Variants in CMYA5 observed in about 807,000 individuals in gnomAD.
The protein encoded by CMYA5 is cardiomyopathy-associated protein 5.
In CMYA5, 246 loss-of-function variants were observed where a neutral mutation model predicts 318.9. The ratio of observed to expected loss-of-function variants is 0.77; its 90% CI spans 0.70 to 0.86. The LOEUF is 0.86. Ranked by LOEUF, CMYA5 falls within the 40% of genes least tolerant of loss-of-function variation. CMYA5 has a pLI of 0.00. For synonymous variants in CMYA5, 1,641 were observed against 1,729.5 expected (o/e 0.95, Z 1.27); for missense variants, 4,589 against 4,678.2 (o/e 0.98, Z 0.56).
rs775304112 is a variant in CMYA5 at position 79,730,732 on chromosome 5, C to A, written c.1967C>A (p.Ser656Tyr). ...APTSESSLSPSTTEKTSENQS... is the reference protein window; with the variant it reads ...APTSESSLSPYTTEKTSENQS... ...ACATCTGAGAGCTCTCTCTCACCAT[C>A]CACAACTGAGAAGACTTCAGAGAAC... Residue 656 changes from serine (S) to tyrosine (Y), a missense_variant, in exon 2 of 13, where the codon TCC becomes TAC. Transcript: ENST00000446378. The A allele has an allele frequency of 6.2e-7, 1 of 1,613,952 alleles. No individual in the cohort carries two copies. The highest frequency in any genetic ancestry group is 8.5e-7 in the Non-Finnish European group (1 of 1,179,872).
At position 79,781,671 on chromosome 5, in the gene CMYA5, C is replaced by T. The variant is rs1374967888; in HGVS notation, c.11556-7300C>T. Among the ~76,000 whole-genome samples, 3 of 60,056 alleles carry T rather than the reference C, an allele frequency of 5.0e-5. 1 individual carries two copies. The highest frequency in any genetic ancestry group is 7.7e-5 in the Non-Finnish European group (3 of 38,918). 39.4% of individuals were successfully genotyped at this position (60,056 alleles called of 152,430 possible). A position where few individuals can be genotyped will look rare whatever the true frequency, so the allele number is the denominator to read the frequency against. Reference sequence around the variant, plus strand: ...AGAGTGTATGTGTCCAGGAATGTATCCATTTCTTCTAGATTTTCTAGTTTA... The same window carrying T: ...AGAGTGTATGTGTCCAGGAATGTATTCATTTCTTCTAGATTTTCTAGTTTA... On this transcript the variant is annotated intron_variant, in intron 9 of 12. Transcript: ENST00000446378.
intron 1 of CMYA5, among the ~76,000 whole-genome samples, chr5:79,709,224 G>A (rs1382690280): frequency 2.6e-5 from 4 of 152,042 alleles, no homozygotes; most frequent in Admixed American, 2.6e-4. Context: ...GTCAATATGT[G>A]TAAAAAGCCT....
In CMYA5 at chr5:79,793,486, TG is replaced by T. The variant is rs1241537062; in HGVS notation, c.11842del (p.Glu3948LysfsTer25). On this transcript the variant is annotated frameshift_variant, in exon 12 of 13. Transcript: ENST00000446378. LOFTEE classifies it high-confidence loss of function. ...GCTGCCTTCCTGTGGCCAGCATTAC[TG>T]GGAAACCACAGTCACAGACTGCCCA... ...EELPSCGQHY[W>X]ETTVTDCPAY... 5 of 1,613,920 alleles carry T rather than the reference TG, an allele frequency of 3.1e-6. No homozygotes were observed. The East Asian group carries it at 8.9e-5, about 29-fold the overall frequency.
At chr5:79,706,364 G>T (rs1430725067) in intron 1 of CMYA5, among the ~76,000 whole-genome samples, 1 of 152,196 alleles carries the variant, frequency 6.6e-6, no homozygotes, top group Non-Finnish European at 1.5e-5. Flanking sequence ...CCTTAAAACA[G>T]AAGCACAGTC....
intron 1 of CMYA5, 123 bp downstream of exon 1, chr5:79,690,179 G>T: frequency 7.6e-7 from 1 of 1,307,454 alleles, no homozygotes; most frequent in Non-Finnish European, 9.8e-7. Context: ...TTCTCTCTGG[G>T]TGCACTGTCG....
chr5:79,761,250 A>C (rs1561222784), intron 7 of CMYA5, among the ~76,000 whole-genome samples: 1 of 152,242 alleles, frequency 6.6e-6, no homozygotes, highest in Non-Finnish European at 1.5e-5. Flanking sequence ...CTTATGACCT[A>C]TCAAAGTTAT....
Position 79,745,207 on chromosome 5 carries a change from C to G in CMYA5, c.10735-15C>G. ...TTTCATTCAGAAGTGGGCTTTTTTGCTTGTTTGTTTTCAGGAAAACTGTAG... is the reference window on the plus strand; with the variant it reads ...TTTCATTCAGAAGTGGGCTTTTTTGGTTGTTTGTTTTCAGGAAAACTGTAG... On this transcript the variant is annotated splice_polypyrimidine_tract_variant and intron_variant, in intron 3 of 12. Transcript: ENST00000446378. 4 of 1,468,988 alleles carry G rather than the reference C, an allele frequency of 2.7e-6. No homozygotes were observed. Among genetic ancestry groups the G allele is most frequent in the Non-Finnish European group, 3.7e-6 (4 of 1,085,580 alleles). 91.0% of individuals were successfully genotyped at this position (1,468,988 alleles called of 1,614,324 possible).
At chr5:79,722,127 T>G (rs2151081681) in intron 1 of CMYA5, among the ~76,000 whole-genome samples, 1 of 152,306 alleles carries the variant, frequency 6.6e-6, no homozygotes, top group Non-Finnish European at 1.5e-5. Flanking sequence ...CTGATCACAA[T>G]GCAATTAAAC....
At position 79,769,298 on chromosome 5, in the gene CMYA5, CAGTT is replaced by C. The variant is rs1222753147; in HGVS notation, c.11555+6093_11555+6096del. Among the ~76,000 whole-genome samples the C allele has an allele frequency of 5.9e-5, 9 of 152,116 alleles. No individual in the cohort carries two copies. In the East Asian group the frequency reaches 1.8e-3, roughly 30 times the overall value. On this transcript the variant is annotated intron_variant, in intron 9 of 12. Transcript: ENST00000446378. Reference sequence around the variant, plus strand: ...CCCACCTTCTGAAGCCGACTTCTGTCAGTTAGTCAAACTCATTTTCTGTCTAGTT... The same window carrying C: ...CCCACCTTCTGAAGCCGACTTCTGTCAGTCAAACTCATTTTCTGTCTAGTT...
chr5:79,734,705 CT>C lies in CMYA5; in HGVS notation c.5941del (p.Ser1981LeufsTer5). The C allele has an allele frequency of 6.2e-7, 1 of 1,613,870 alleles. No individual in the cohort carries two copies. On this transcript the variant is annotated frameshift_variant, in exon 2 of 13. Transcript: ENST00000446378. LOFTEE classifies it high-confidence loss of function. ...CAGAGACCTTATCAAGTAAAAGTTA[CT>C]CTTCTGAAGAAGTAAAGCTGGCTGA... is the stretch of plus-strand genomic sequence containing the variant. ...NTETLSSKSY[S>X]SEEVKLAEEP... is the part of the protein sequence containing the mutation.
chr5:79,706,425 C>T (rs867664376), intron 1 of CMYA5, among the ~76,000 whole-genome samples: 3 of 152,254 alleles, frequency 2.0e-5, no homozygotes, highest in South Asian at 4.2e-4. Flanking sequence ...ACAGTTGCAG[C>T]AAAAGCTGGT....
intron 4 of CMYA5, 41 bp downstream of exon 4, chr5:79,745,496 C>A: frequency 8.1e-7 from 1 of 1,236,310 alleles, no homozygotes; most frequent in Non-Finnish European, 1.2e-6. Context: ...CTTGCGCCCA[C>A]TCTGGCACAT....
chr5:79,741,580 G>C (rs1222511379), intron 2 of CMYA5, among the ~76,000 whole-genome samples: 2 of 152,102 alleles, frequency 1.3e-5, no homozygotes. Context: ...TTAAAGTTTG[G>C]GGTTAGGGAG....
chr5:79,761,270 T>C (rs2151094807), intron 7 of CMYA5, among the ~76,000 whole-genome samples: 1 of 152,360 alleles, frequency 6.6e-6, no homozygotes, highest in Non-Finnish European at 1.5e-5. Context: ...TTTAAGTATT[T>C]CTATAAATTG....
intron 6 of CMYA5, 71 bp downstream of exon 6, chr5:79,752,865 G>T (rs780175302): frequency 1.1e-4 from 116 of 1,040,470 alleles, no homozygotes; most frequent in Middle Eastern, 2.2e-4. Context: ...TGTATGTAAT[G>T]ATATATACAA....
intron 10 of CMYA5, 107 bp downstream of exon 10, chr5:79,789,211 T>A (rs973748532): frequency 3.1e-6 from 4 of 1,275,396 alleles, no homozygotes; most frequent in Non-Finnish European, 3.2e-6. Context: ...CAACCTACTG[T>A]CAGTGGTAGG....
At chr5:79,706,477 G>A (rs953622980) in intron 1 of CMYA5, among the ~76,000 whole-genome samples, 2 of 152,284 alleles carry the variant, frequency 1.3e-5, no homozygotes, top group East Asian at 1.9e-4. Flanking sequence ...CTAGACAACC[G>A]GTTAGACCAG....
At chr5:79,728,725 T>C (rs1003772078) in intron 1 of CMYA5, among the ~76,000 whole-genome samples, 190 bp from the exon 2 acceptor site, 4 of 152,146 alleles carry the variant, frequency 2.6e-5, no homozygotes, top group African/African-American at 7.2e-5. Flanking sequence ...TGTCATTGTA[T>C]TGGGTATCCT....
In CMYA5 at chr5:79,785,611, A is replaced by G. The variant is rs139288036; in HGVS notation, c.11556-3360A>G. Among the ~76,000 whole-genome samples, 417 of 152,062 alleles carry G rather than the reference A, an allele frequency of 2.7e-3. 3 individuals carry two copies. Among genetic ancestry groups the G allele is most frequent in the African/African-American group, 9.3e-3 (386 of 41,484 alleles). ...TATATAAAGGCTTTTGATTTCTTGT[A>G]TCAGTTTTATATCTAGCCATCTTAC... On this transcript the variant is annotated intron_variant, in intron 9 of 12. Transcript: ENST00000446378.
Sources: allele counts gnomAD v4.1 joint callset (sites outside exome capture counted in the v4.1 genomes callset), GRCh38; gene constraint gnomAD v4.1.1; transcripts MANE v1.5; gene names NCBI Gene and HGNC (gene_info 2026-07-23, HGNC 2026-07-21).